Variants in CDKAL1 observed in about 807,000 individuals in gnomAD.
The protein encoded by CDKAL1 is CDKAL1 threonylcarbamoyladenosine tRNA methylthiotransferase, also known as threonylcarbamoyladenosine tRNA methylthiotransferase.
In CDKAL1, 32 loss-of-function variants were observed where a neutral mutation model predicts 68.2. That is an observed-to-expected ratio of 0.47 (90% CI 0.35 to 0.63). The LOEUF (loss-of-function observed/expected upper bound fraction) is 0.63. CDKAL1 is among the 30% of genes least tolerant of loss of function. The pLI, the probability that CDKAL1 is intolerant of heterozygous loss-of-function variation, is 0.00. For missense variants in CDKAL1, 606 were observed against 696.7 expected (o/e 0.87, Z 1.47); for synonymous variants, 234 against 244.3 (o/e 0.96, Z 0.39).
chr6:20,908,111 C>T (rs1270137456), intron 9 of CDKAL1, among the ~76,000 whole-genome samples: 1 of 152,158 alleles, frequency 6.6e-6, no homozygotes, highest in Non-Finnish European at 1.5e-5. Context: ...TCTGGGAACT[C>T]CAGCATAACC....
intron 12 of CDKAL1, among the ~76,000 whole-genome samples, chr6:21,089,015 G>A (rs549960137): frequency 1.3e-5 from 2 of 152,242 alleles, no homozygotes; most frequent in South Asian, 2.1e-4. Flanking sequence ...TATGGATACC[G>A]GGTCATGCAC....
At chr6:20,783,336 C>T (rs1775515464) in intron 8 of CDKAL1, among the ~76,000 whole-genome samples, 1 of 152,112 alleles carries the variant, frequency 6.6e-6, no homozygotes, top group Admixed American at 6.5e-5. Flanking sequence ...GATTAGGATC[C>T]ATTAGGTCTC....
intron 11 of CDKAL1, among the ~76,000 whole-genome samples, chr6:21,045,093 G>T (rs1770147270): frequency 6.6e-6 from 1 of 152,174 alleles, no homozygotes; most frequent in South Asian, 2.1e-4. Flanking sequence ...TAGCATTGCG[G>T]ATTCAGTTTC....
At chr6:20,823,942 C>T (rs1193027598) in intron 8 of CDKAL1, among the ~76,000 whole-genome samples, 2 of 152,014 alleles carry the variant, frequency 1.3e-5, no homozygotes, top group Non-Finnish European at 2.9e-5. Context: ...AAAGTTATCT[C>T]GGGGTGAATG....
At chr6:20,967,278 A>C (rs1442324696) in intron 10 of CDKAL1, among the ~76,000 whole-genome samples, 1 of 152,152 alleles carries the variant, frequency 6.6e-6, no homozygotes, top group East Asian at 1.9e-4. Flanking sequence ...TTACATTTAC[A>C]TCTTTTTAGG....
intron 10 of CDKAL1, among the ~76,000 whole-genome samples, chr6:20,997,545 G>C (rs1015338000): frequency 1.3e-5 from 2 of 151,640 alleles, no homozygotes; most frequent in Non-Finnish European, 2.9e-5. Flanking sequence ...GGGTGGCGGG[G>C]GGAGGGGGAA....
At chr6:20,632,813 C>A (rs113738269) in intron 4 of CDKAL1, among the ~76,000 whole-genome samples, 14 of 152,154 alleles carry the variant, frequency 9.2e-5, no homozygotes, top group Non-Finnish European at 1.8e-4. Context: ...ATTTTTGAAT[C>A]GTTGCCAGGA....
At chr6:20,841,521 C>A (rs1159162192) in intron 8 of CDKAL1, among the ~76,000 whole-genome samples, 4 of 152,152 alleles carry the variant, frequency 2.6e-5, no homozygotes, top group Non-Finnish European at 2.9e-5. Flanking sequence ...TGTGTTTACA[C>A]CCTTTGAAGT....
intron 4 of CDKAL1, among the ~76,000 whole-genome samples, chr6:20,563,956 A>G (rs1219747847): frequency 6.6e-6 from 1 of 152,212 alleles, no homozygotes; most frequent in African/African-American, 2.4e-5. Flanking sequence ...GAGCAATTTT[A>G]AGCCAGCGAT....
At chr6:20,785,421 T>G (rs1354246572) in intron 8 of CDKAL1, among the ~76,000 whole-genome samples, 1 of 151,878 alleles carries the variant, frequency 6.6e-6, no homozygotes, top group African/African-American at 2.4e-5. Context: ...GTTCAATTGA[T>G]TCTTCTGCCT....
At chr6:20,907,489 AAATG>A (rs1396113612) in intron 9 of CDKAL1, among the ~76,000 whole-genome samples, 1 of 152,246 alleles carries the variant, frequency 6.6e-6, no homozygotes, top group Non-Finnish European at 1.5e-5. Context: ...AAATTGAAAA[AAATG>A]ACTATGAAGA....
intron 9 of CDKAL1, among the ~76,000 whole-genome samples, chr6:20,847,063 G>A (rs1778402474): frequency 6.6e-6 from 1 of 152,088 alleles, no homozygotes; most frequent in African/African-American, 2.4e-5. Context: ...TGTTTAGTCT[G>A]TAGAAAACTT....
intron 10 of CDKAL1, among the ~76,000 whole-genome samples, chr6:20,961,520 C>G (rs1052960974): frequency 9.2e-5 from 14 of 152,264 alleles, no homozygotes; most frequent in African/African-American, 3.4e-4. Context: ...GTAATCCCAG[C>G]ACTTCGGGAG....
intron 5 of CDKAL1, among the ~76,000 whole-genome samples, chr6:20,738,619 C>G (rs912052656): frequency 2.6e-5 from 4 of 151,778 alleles, no homozygotes; most frequent in African/African-American, 9.7e-5. Context: ...CTGGCTCAGC[C>G]TCCAGAGTAG....
chr6:20,757,447 G>T (rs556223665), intron 6 of CDKAL1, among the ~76,000 whole-genome samples: 2 of 152,064 alleles, frequency 1.3e-5, no homozygotes, highest in Non-Finnish European at 2.9e-5. Flanking sequence ...CAAGGCACAG[G>T]TGTATTTTAT....
rs1779993397 is a variant in CDKAL1 at position 21,232,003 on chromosome 6, G to GTTTTGTTTTTTTTTTTTTTT, written c.*968_*969insGTTTTTTTTTTTTTTTTTTT. 1 of 76,088 alleles carries GTTTTGTTTTTTTTTTTTTTT rather than the reference G, an allele frequency of 1.3e-5. No homozygotes were observed. 4.7% of individuals were successfully genotyped at this position (76,088 alleles called of 1,614,324 possible). A position where few individuals can be genotyped will look rare whatever the true frequency, so the allele number is the denominator to read the frequency against. On this transcript the variant is annotated 3_prime_UTR_variant, in exon 16 of 16. Coordinates refer to ENST00000274695, the MANE Select transcript of CDKAL1 (RefSeq NM_017774.3). ...TTTGATCCATTGGGGTTTTTTTTTTGTTTTTGTTTTTTTTTTTTTTTGAGT... is the reference window on the plus strand; with the variant it reads ...TTTGATCCATTGGGGTTTTTTTTTTGTTTTGTTTTTTTTTTTTTTTTTTTTGTTTTTTTTTTTTTTTGAGT...
Position 20,909,694 on chromosome 6 carries a change from A to G in CDKAL1, c.743-45725A>G, listed in dbSNP as rs141592777. 6.7e-4 allele frequency among the ~76,000 whole-genome samples: 102 copies of G among 152,320 alleles called. 1 individual carries two copies. The highest frequency in any genetic ancestry group is 9.6e-4 in the Non-Finnish European group (65 of 68,022). On this transcript the variant is annotated intron_variant, in intron 9 of 15. Coordinates refer to ENST00000274695, the MANE Select transcript of CDKAL1 (RefSeq NM_017774.3). ...AGGCACAGTTCTGCCCTCAGAGCCT[A>G]TACTTGTAGGAAGGAAGATTATTTC... is the stretch of plus-strand genomic sequence containing the variant.
chr6:21,036,428 G>A (rs755129545), intron 11 of CDKAL1, among the ~76,000 whole-genome samples: 1 of 152,092 alleles, frequency 6.6e-6, no homozygotes, highest in South Asian at 2.1e-4. Context: ...GCAAGTCAAG[G>A]TGTTAAGCTT....
At chr6:21,011,081 C>CAAAAAA (rs144955142) in intron 11 of CDKAL1, among the ~76,000 whole-genome samples, 1 of 44,586 alleles carries the variant, frequency 2.2e-5, no homozygotes, top group East Asian at 6.9e-4. Flanking sequence ...GTCTCCATCT[C>CAAAAAA]AAAAAAAAAA....
Sources: allele counts gnomAD v4.1 joint callset (sites outside exome capture counted in the v4.1 genomes callset), GRCh38; gene constraint gnomAD v4.1.1; transcripts MANE v1.5; gene names NCBI Gene and HGNC (gene_info 2026-07-23, HGNC 2026-07-21).